Variants in PRDM2 observed in about 807,000 individuals in gnomAD.
PRDM2 encodes the protein PR/SET domain 2.
In PRDM2, 30 loss-of-function variants were observed where a neutral mutation model predicts 130.0. The ratio of observed to expected loss-of-function variants is 0.23; its 90% CI spans 0.17 to 0.31. PRDM2 has a LOEUF of 0.31. Ranked by LOEUF, PRDM2 falls within the 10% of genes least tolerant of loss-of-function variation. The pLI, the probability that PRDM2 is intolerant of heterozygous loss-of-function variation, is 1.00. For missense variants in PRDM2, 2,011 were observed against 2,108.4 expected, an observed-to-expected ratio of 0.95 and a Z score of 0.90; for synonymous variants, 871 against 782.4, an observed-to-expected ratio of 1.11 and a Z score of -1.89.
chr1:13,811,170 TGA>T (rs1454751828), intron 8 of PRDM2, among the ~76,000 whole-genome samples: 8 of 151,402 alleles, frequency 5.3e-5, no homozygotes. Context: ...AGCGACAGAG[TGA>T]GACTCTGTCT....
intron 8 of PRDM2, among the ~76,000 whole-genome samples, chr1:13,800,156 G>T (rs760914): frequency 0.8 from 121,043 of 152,230 alleles, 48,977 homozygotes; most frequent in African/African-American, 0.95. Flanking sequence ...GATATAGCAG[G>T]GAACAAAACT....
At chr1:13,749,209 C>T (rs986404727) in intron 5 of PRDM2, 152 bp from the exon 6 acceptor site, 5 of 660,930 alleles carry the variant, frequency 7.6e-6, no homozygotes, top group Admixed American at 1.2e-4. Context: ...CCGCACGGGG[C>T]CGGGAGCCCT....
intron 2 of PRDM2, among the ~76,000 whole-genome samples, chr1:13,723,393 A>C (rs1642797577): frequency 6.6e-6 from 1 of 152,212 alleles, no homozygotes; most frequent in Non-Finnish European, 1.5e-5. Flanking sequence ...GCGCTGCTCC[A>C]GCACATGGAC....
intron 8 of PRDM2, among the ~76,000 whole-genome samples, chr1:13,813,886 T>A (rs545950429): frequency 6.6e-6 from 1 of 152,320 alleles, no homozygotes; most frequent in East Asian, 1.9e-4. Context: ...ACACACTGGC[T>A]GGCTAGAGAG....
At chr1:13,804,245 GCT>G (rs1645053944) in intron 8 of PRDM2, among the ~76,000 whole-genome samples, 2 of 152,260 alleles carry the variant, frequency 1.3e-5, no homozygotes, top group East Asian at 3.9e-4. Context: ...GTACTCAAGG[GCT>G]CTGTCTCACC....
intron 8 of PRDM2, 98 bp downstream of exon 8, chr1:13,782,929 T>C (rs75627863): frequency 0.043 from 62,757 of 1,454,574 alleles, 1,464 homozygotes; most frequent in African/African-American, 0.16. Context: ...TTTTTTTTTT[T>C]CCCCACTTAA....
At chr1:13,820,028 A>T (rs886648349) in intron 9 of PRDM2, among the ~76,000 whole-genome samples, 1 of 152,202 alleles carries the variant, frequency 6.6e-6, no homozygotes, top group Non-Finnish European at 1.5e-5. Flanking sequence ...TTAGTTCAGG[A>T]AGGTGTGTGC....
intron 7 of PRDM2, among the ~76,000 whole-genome samples, chr1:13,773,991 G>A (rs1385991307): frequency 1.3e-5 from 2 of 152,150 alleles, no homozygotes; most frequent in African/African-American, 4.8e-5. Flanking sequence ...TTTGATTTTT[G>A]TATAACAGAA....
intron 3 of PRDM2, 64 bp from the exon 4 acceptor site, chr1:13,732,705 CTTAAGCGATT>C (rs1377029497): frequency 9.1e-7 from 1 of 1,096,494 alleles, no homozygotes; most frequent in African/African-American, 1.6e-5. Context: ...TTTTGTGAAA[CTTAAGCGATT>C]TTAATGGTTT....
chr1:13,731,671 G>A (rs1643115546), intron 3 of PRDM2, among the ~76,000 whole-genome samples: 2 of 152,062 alleles, frequency 1.3e-5, no homozygotes, highest in South Asian at 2.1e-4. Flanking sequence ...CAAACCAGGC[G>A]CGTGTGTGTT....
intron 2 of PRDM2, among the ~76,000 whole-genome samples, chr1:13,723,478 G>A (rs1355612559): frequency 1.3e-5 from 2 of 152,156 alleles, no homozygotes; most frequent in Non-Finnish European, 2.9e-5. Flanking sequence ...GTGGCAATGG[G>A]AACTGGAGAA....
At chr1:13,752,803 G>A (rs1267827568) in intron 6 of PRDM2, among the ~76,000 whole-genome samples, 3 of 152,158 alleles carry the variant, frequency 2.0e-5, no homozygotes, top group Non-Finnish European at 2.9e-5. Flanking sequence ...GTGCGATCTT[G>A]GACAGCTCAT....
intron 5 of PRDM2, 110 bp downstream of exon 5, chr1:13,742,267 C>A: frequency 8.1e-7 from 1 of 1,237,262 alleles, no homozygotes; most frequent in Non-Finnish European, 1.1e-6. Flanking sequence ...GGGGCTCCAT[C>A]ACGGCTCACT....
At chr1:13,745,021 C>T (rs1643561133) in intron 5 of PRDM2, among the ~76,000 whole-genome samples, 1 of 152,158 alleles carries the variant, frequency 6.6e-6, no homozygotes, top group East Asian at 1.9e-4. Flanking sequence ...TGAAAGTTAG[C>T]TGTTAAATCT....
chr1:13,790,337 T>G (rs1172170296), intron 8 of PRDM2, among the ~76,000 whole-genome samples: 2 of 152,214 alleles, frequency 1.3e-5, no homozygotes, highest in Non-Finnish European at 2.9e-5. Flanking sequence ...GTTTTCCCGT[T>G]CTTTCTAAGG....
At chr1:13,801,014 C>T (rs1399437675) in intron 8 of PRDM2, among the ~76,000 whole-genome samples, 1 of 152,228 alleles carries the variant, frequency 6.6e-6, no homozygotes, top group African/African-American at 2.4e-5. Flanking sequence ...ACCTCATGCT[C>T]TCTGCCTCTC....
At chr1:13,816,194 G>A (rs986994024) in intron 8 of PRDM2, among the ~76,000 whole-genome samples, 2 of 152,188 alleles carry the variant, frequency 1.3e-5, no homozygotes, top group Admixed American at 6.5e-5. Flanking sequence ...GTGCTTCTGC[G>A]ATCGCCTCCG....
At chr1:13,815,249 G>A (rs1306704025) in intron 8 of PRDM2, among the ~76,000 whole-genome samples, 1 of 145,502 alleles carries the variant, frequency 6.9e-6, no homozygotes, top group Non-Finnish European at 1.5e-5. Flanking sequence ...TGTGATTACA[G>A]GCATCCACCA....
In PRDM2 at chr1:13,779,303, G is replaced by A. The variant is rs137963862; in HGVS notation, c.1508G>A (p.Arg503His). ...GTHTNMRRHQ[R>H]RVHERHLIPK... ...CATACTAATATGAGACGGCATCAGC[G>A]TAGAGTTCACGAACGTCATCTGATT... Residue 503 changes from arginine (R) to histidine (H), a missense_variant, in exon 8 of 10, where the codon CGT (arginine) becomes CAT (histidine). Arg to His is a conservative substitution (Grantham distance 29). Coordinates refer to ENST00000311066, the MANE Select transcript of PRDM2 (RefSeq NM_001393986.1). This position sits in a 1 kb window ranked among gnomAD's most constrained non-coding sequence, Gnocchi z 4.9. 4.2e-5 allele frequency: 68 copies of A among 1,613,982 alleles called. No homozygotes were observed. The highest frequency in any genetic ancestry group is 5.6e-5 in the Non-Finnish European group (66 of 1,179,996).
Sources: gnomAD v4.1 joint callset for allele counts (sites outside exome capture counted in the v4.1 genomes callset) on GRCh38, gnomAD v4.1.1 for gene constraint, Gnocchi (gnomAD v3.1) non-coding constraint, MANE v1.5 for transcripts, NCBI Gene and HGNC (gene_info 2026-07-23, HGNC 2026-07-21) for gene names.